CTNNA3: variants seen among roughly 807,000 people sequenced by gnomAD.
CTNNA3 encodes the protein catenin alpha 3.
CTNNA3 carries 76 observed loss-of-function variants against 95.7 expected under a neutral mutation model. The ratio of observed to expected loss-of-function variants is 0.79; its 90% CI spans 0.66 to 0.96. CTNNA3 has a LOEUF of 0.96. Among genes scored for constraint, CTNNA3 ranks in the 40% least tolerant of loss-of-function variants. CTNNA3 has a pLI of 0.00. For synonymous variants in CTNNA3, 431 were observed against 374.4 expected (o/e 1.15, Z -1.74); for missense variants, 1,191 against 1,089.8 (o/e 1.09, Z -1.31).
At chr10:67,577,640 A>ATACACACATATGTGTGTGTG (rs1842211106) in intron 3 of CTNNA3, among the ~76,000 whole-genome samples, 1 of 151,224 alleles carries the variant, frequency 6.6e-6, no homozygotes, top group African/African-American at 2.4e-5. Flanking sequence ...TTGTATATAT[A>ATACACACATATGTGTGTGTG]TGTATGTGTA....
intron 9 of CTNNA3, among the ~76,000 whole-genome samples, chr10:66,688,786 G>A (rs2394296): frequency 0.9 from 135,834 of 151,310 alleles, 61,167 homozygotes; most frequent in East Asian, 1. Context: ...CCTGGCTAAC[G>A]TGGTGAAACC....
intron 11 of CTNNA3, among the ~76,000 whole-genome samples, chr10:66,494,489 T>C (rs563670794): frequency 6.6e-6 from 1 of 152,350 alleles, no homozygotes; most frequent in African/African-American, 2.4e-5. Flanking sequence ...CTTTTATTTC[T>C]ACTAAAAATA....
At chr10:65,984,955 T>C (rs562473700) in intron 16 of CTNNA3, among the ~76,000 whole-genome samples, 7 of 151,122 alleles carry the variant, frequency 4.6e-5, no homozygotes, top group Non-Finnish European at 1.0e-4. Context: ...TTATTTAGGA[T>C]ATAGTTTGTT....
In CTNNA3 at chr10:67,631,167, A is replaced by G. The variant is rs370394424; in HGVS notation, c.99+16248T>C. 7.2e-5 allele frequency among the ~76,000 whole-genome samples: 11 copies of G among 152,324 alleles called. 1 individual carries two copies. In the East Asian group the frequency reaches 1.5e-3, roughly 21 times the overall value. On this transcript the variant is annotated intron_variant, in intron 2 of 17. Transcript: ENST00000433211. ...ATTGCTGAGAAATTATTTCTGATCC[A>G]TTGGAAGAATTTATTACAGAGGGAT...
intron 1 of CTNNA3, among the ~76,000 whole-genome samples, chr10:67,660,011 A>G (rs1840133564): frequency 6.6e-6 from 1 of 152,222 alleles, no homozygotes; most frequent in South Asian, 2.1e-4. Context: ...GAAAAACACT[A>G]TATTCATTTT....
intron 16 of CTNNA3, among the ~76,000 whole-genome samples, chr10:65,984,039 T>A (rs760952131): frequency 2.7e-4 from 41 of 151,346 alleles, no homozygotes; most frequent in Non-Finnish European, 5.0e-4. Context: ...TATATAAACA[T>A]GCATTTAAAT....
chr10:67,590,279 A>G (rs1842753521), intron 3 of CTNNA3, among the ~76,000 whole-genome samples: 1 of 152,112 alleles, frequency 6.6e-6, no homozygotes, highest in Non-Finnish European at 1.5e-5. Flanking sequence ...GTGTTTGCAT[A>G]ATTCAAATGT....
chr10:66,219,209 C>T (rs1052466665), intron 13 of CTNNA3, among the ~76,000 whole-genome samples: 8 of 151,800 alleles, frequency 5.3e-5, no homozygotes, highest in Non-Finnish European at 5.9e-5. Context: ...TAGGATGAGG[C>T]TTTGTGGGGT....
intron 12 of CTNNA3, among the ~76,000 whole-genome samples, chr10:66,291,523 A>T (rs2091679888): frequency 6.6e-6 from 1 of 152,148 alleles, no homozygotes; most frequent in Non-Finnish European, 1.5e-5. Flanking sequence ...TTGCTAAAAG[A>T]ACCATGAATT....
At chr10:66,244,994 C>A (rs1048135233) in intron 13 of CTNNA3, among the ~76,000 whole-genome samples, 5 of 152,150 alleles carry the variant, frequency 3.3e-5, no homozygotes, top group Admixed American at 2.6e-4. Flanking sequence ...CTGGTGGCGC[C>A]TTTGCCCAAG....
At chr10:66,091,726 T>C (rs145387500) in intron 14 of CTNNA3, among the ~76,000 whole-genome samples, 278 of 151,846 alleles carry the variant, frequency 1.8e-3, no homozygotes, top group African/African-American at 6.5e-3. Context: ...GTGGTGGCAT[T>C]ACTAAAAAGG....
At chr10:66,000,520 AT>A (rs1389921650) in intron 15 of CTNNA3, among the ~76,000 whole-genome samples, 1 of 152,150 alleles carries the variant, frequency 6.6e-6, no homozygotes, top group African/African-American at 2.4e-5. Context: ...TAATTATATT[AT>A]TTATATTTTT....
chr10:66,040,689 C>A (rs1280165568), intron 15 of CTNNA3, among the ~76,000 whole-genome samples: 1 of 151,992 alleles, frequency 6.6e-6, no homozygotes, highest in Non-Finnish European at 1.5e-5. Context: ...AACACATGGA[C>A]TTATAGAGGG....
At chr10:66,438,891 A>G (rs925556894) in intron 11 of CTNNA3, among the ~76,000 whole-genome samples, 1 of 152,172 alleles carries the variant, frequency 6.6e-6, no homozygotes, top group Non-Finnish European at 1.5e-5. Context: ...TATATGGGCC[A>G]GAGTGCACTG....
chr10:67,346,824 C>A, intron 5 of CTNNA3: 1 of 341,220 alleles, frequency 2.9e-6, no homozygotes. Context: ...CATTTAGAAA[C>A]CCTTTCCCAC....
intron 9 of CTNNA3, among the ~76,000 whole-genome samples, chr10:66,630,216 A>G (rs186994313): frequency 1.3e-4 from 20 of 152,274 alleles, no homozygotes; most frequent in South Asian, 6.2e-4. Context: ...CTTGATGAAC[A>G]TGAGATGACA....
chr10:67,485,464 T>C (rs979961856), intron 5 of CTNNA3, among the ~76,000 whole-genome samples: 2 of 152,096 alleles, frequency 1.3e-5, no homozygotes, highest in Non-Finnish European at 2.9e-5. Context: ...ACCATGTACA[T>C]GTACAAACCT....
At chr10:67,690,031 G>A (rs1000904037) in intron 1 of CTNNA3, among the ~76,000 whole-genome samples, 17 of 152,202 alleles carry the variant, frequency 1.1e-4, no homozygotes, top group East Asian at 3.9e-4. Context: ...GAATGAAGCC[G>A]CAGACCCCAC....
At chr10:66,157,975 C>T (rs2084635351) in intron 13 of CTNNA3, among the ~76,000 whole-genome samples, 1 of 152,006 alleles carries the variant, frequency 6.6e-6, no homozygotes, top group African/African-American at 2.4e-5. Context: ...TGAGAATTGT[C>T]TATTCATGCC....
Sources: allele counts gnomAD v4.1 joint callset (sites outside exome capture counted in the v4.1 genomes callset), GRCh38; gene constraint gnomAD v4.1.1; transcripts MANE v1.5; gene names NCBI Gene and HGNC (gene_info 2026-07-23, HGNC 2026-07-21).